The following AFG2A variants were observed in gnomAD, a reference collection of about 807,000 sequenced individuals.
The protein encoded by AFG2A is AAA ATPase AFG2A.
the AFG2A span, among the ~76,000 whole-genome samples, chr4:123,008,210 T>G: frequency 6.6e-6 from 1 of 152,142 alleles, no homozygotes; most frequent in Non-Finnish European, 1.5e-5. Context: ...GGAGCTTACA[T>G]GTAGAGATCA....
At chr4:123,280,862 G>A in the AFG2A span, among the ~76,000 whole-genome samples, 1 of 152,140 alleles carries the variant, frequency 6.6e-6, no homozygotes, top group African/African-American at 2.4e-5. Context: ...TATCTTGGGG[G>A]TGGGGCATTA....
At chr4:123,160,262 T>C in the AFG2A span, among the ~76,000 whole-genome samples, 1 of 152,192 alleles carries the variant, frequency 6.6e-6, no homozygotes, top group South Asian at 2.1e-4. Flanking sequence ...AAAATAATAA[T>C]AATAATTCAC....
At chr4:122,978,846 T>C in the AFG2A span, among the ~76,000 whole-genome samples, 2 of 152,210 alleles carry the variant, frequency 1.3e-5, no homozygotes, top group African/African-American at 4.8e-5. Flanking sequence ...GCCTTAACTT[T>C]GGTCTGAAAT....
the AFG2A span, among the ~76,000 whole-genome samples, chr4:123,025,260 T>G: frequency 5.3e-5 from 8 of 152,182 alleles, no homozygotes; most frequent in Admixed American, 2.0e-4. Context: ...AGGAAAAATA[T>G]TAAGCCACAA....
chr4:123,006,498 A>T, the AFG2A span, among the ~76,000 whole-genome samples: 16 of 151,956 alleles, frequency 1.1e-4, no homozygotes, highest in Non-Finnish European at 1.9e-4. Flanking sequence ...CTCTCACTGG[A>T]GACTCAAATT....
the AFG2A span, among the ~76,000 whole-genome samples, chr4:123,062,629 G>A: frequency 8.5e-5 from 13 of 152,184 alleles, no homozygotes; most frequent in African/African-American, 2.6e-4. Context: ...CCTATACCAG[G>A]TAGCCTGGTC....
chr4:123,024,241 AG>A, the AFG2A span, among the ~76,000 whole-genome samples: 11 of 149,742 alleles, frequency 7.3e-5, no homozygotes, highest in East Asian at 7.8e-4. Flanking sequence ...AAAAAAAAAA[AG>A]AAACAAAAGA....
chr4:123,289,495 T>C, the AFG2A span, among the ~76,000 whole-genome samples: 1 of 152,192 alleles, frequency 6.6e-6, no homozygotes. Context: ...ATGTCTCTTT[T>C]ATATAATGAT....
chr4:123,216,782 G>T, the AFG2A span, among the ~76,000 whole-genome samples: 2 of 151,558 alleles, frequency 1.3e-5, no homozygotes, highest in Non-Finnish European at 2.9e-5. Context: ...AGCCTTCTGA[G>T]TAGCTGGGAC....
chr4:123,302,632 G>A, the AFG2A span, among the ~76,000 whole-genome samples: 1 of 151,204 alleles, frequency 6.6e-6, no homozygotes, highest in Non-Finnish European at 1.5e-5. Context: ...AACCTGGCTT[G>A]TCTGGGTATG....
At chr4:123,018,612 C>T in the AFG2A span, among the ~76,000 whole-genome samples, 4 of 151,780 alleles carry the variant, frequency 2.6e-5, no homozygotes, top group African/African-American at 9.7e-5. Context: ...ACTTCCTATG[C>T]TTTAGAACTC....
chr4:123,246,679 C>G, the AFG2A span, among the ~76,000 whole-genome samples: 1 of 152,076 alleles, frequency 6.6e-6, no homozygotes, highest in Non-Finnish European at 1.5e-5. Flanking sequence ...GCTTTCTGGC[C>G]CTTCTGAGAT....
the AFG2A span, among the ~76,000 whole-genome samples, chr4:123,183,565 T>C: frequency 1.3e-5 from 2 of 152,202 alleles, no homozygotes; most frequent in South Asian, 2.1e-4. Flanking sequence ...TCTGTAGTTT[T>C]CTTACAAGAC....
At chr4:122,947,543 T>G in the AFG2A span, 1 of 1,370,982 alleles carries the variant, frequency 7.3e-7, no homozygotes, top group Non-Finnish European at 9.5e-7. Flanking sequence ...TCCAGTTTAC[T>G]TACATACAAA....
chr4:122,954,150 C>T, the AFG2A span, among the ~76,000 whole-genome samples: 1 of 152,204 alleles, frequency 6.6e-6, no homozygotes, highest in Non-Finnish European at 1.5e-5. Flanking sequence ...TAAGGAGGGG[C>T]ATGGCCTGAT....
the AFG2A span, among the ~76,000 whole-genome samples, chr4:122,946,864 C>G: frequency 5.9e-5 from 9 of 151,970 alleles, no homozygotes; most frequent in African/African-American, 2.2e-4. Context: ...GGGAAAAGGA[C>G]TGTTTAAAAC....
the AFG2A span, among the ~76,000 whole-genome samples, chr4:123,049,807 A>G: frequency 6.6e-6 from 1 of 151,260 alleles, no homozygotes; most frequent in Non-Finnish European, 1.5e-5. Flanking sequence ...TTTTAGTCTG[A>G]ATTTCATTTA....
the AFG2A span, among the ~76,000 whole-genome samples, chr4:123,290,149 G>A: frequency 6.6e-6 from 1 of 152,150 alleles, no homozygotes; most frequent in Non-Finnish European, 1.5e-5. Flanking sequence ...TCTTCAGGAT[G>A]TCTGTTCACT....
the AFG2A span, among the ~76,000 whole-genome samples, chr4:123,173,349 T>G: frequency 1.3e-4 from 15 of 113,000 alleles, no homozygotes; most frequent in African/African-American, 4.2e-4. Flanking sequence ...GGTTTTTTTT[T>G]TTTTTTTTTT....
Sources: allele counts gnomAD v4.1 joint callset (sites outside exome capture counted in the v4.1 genomes callset), GRCh38; gene constraint gnomAD v4.1.1; transcripts MANE v1.5; gene names NCBI Gene and HGNC (gene_info 2026-07-23, HGNC 2026-07-21).